The following UNC80 variants were observed in gnomAD, a reference collection of about 807,000 sequenced individuals.
The protein encoded by UNC80 is unc-80 subunit of NALCN channel complex.
Under a neutral mutation model 384.6 loss-of-function variants are expected in UNC80, and 164 were observed. That is an observed-to-expected ratio of 0.43 (90% CI 0.38 to 0.49). The LOEUF (loss-of-function observed/expected upper bound fraction) is 0.49. Ranked by LOEUF, UNC80 falls within the 20% of genes least tolerant of loss-of-function variation. The probability of loss-of-function intolerance (pLI) is 0.00; values close to 1 mark genes in which losing one functional copy is unlikely to be tolerated. For synonymous variants in UNC80, 1,486 were observed against 1,527.8 expected, an observed-to-expected ratio of 0.97 and a Z score of 0.64; for missense variants, 3,330 against 4,143.0, an observed-to-expected ratio of 0.80 and a Z score of 5.39.
chr2:209,808,008 T>G (rs1417513071), intron 7 of UNC80, among the ~76,000 whole-genome samples: 1 of 152,228 alleles, frequency 6.6e-6, no homozygotes, highest in Admixed American at 6.5e-5. Flanking sequence ...TTTGATTACA[T>G]AAGATACGGA....
intron 7 of UNC80, among the ~76,000 whole-genome samples, chr2:209,802,798 A>T (rs1478224823): frequency 6.6e-6 from 1 of 152,212 alleles, no homozygotes; most frequent in Non-Finnish European, 1.5e-5. Flanking sequence ...GTTGGCATGG[A>T]CTGCAGTTGC....
At chr2:209,955,692 AAT>A (rs57804600) in intron 48 of UNC80, among the ~76,000 whole-genome samples, 851 of 51,416 alleles carry the variant, frequency 0.017, 9 homozygotes, top group African/African-American at 0.018. Context: ...CTGTATTTCT[AAT>A]ATATATATAT....
chr2:209,993,945 A>G (rs777510313), intron 63 of UNC80, 120 bp from the exon 64 acceptor site: 3 of 869,254 alleles, frequency 3.5e-6, no homozygotes, highest in Non-Finnish European at 5.1e-6. Flanking sequence ...TTATTAATAA[A>G]CCAGCAATGT....
At position 209,772,052 on chromosome 2, in the gene UNC80, G is replaced by A. The variant is rs1446688802; in HGVS notation, c.-21G>A. 2 of 1,539,576 alleles carry A rather than the reference G, an allele frequency of 1.3e-6. No homozygotes were observed. Among genetic ancestry groups the A allele is most frequent in the Non-Finnish European group, 1.8e-6 (2 of 1,137,738 alleles). On this transcript the variant is annotated 5_prime_UTR_variant, in exon 1 of 65. The change abolishes the stop of an existing upstream ORF in the 5' untranslated region. Coordinates refer to ENST00000673920, the MANE Select transcript of UNC80 (RefSeq NM_001371986.1). ...GGAGACAGAGCTGGGTCCTGCAGTA[G>A]GACTCCCGGGAGCCACCATTATGGT...
intron 58 of UNC80, among the ~76,000 whole-genome samples, 156 bp from the exon 59 acceptor site, chr2:209,978,373 C>T (rs1313446837): frequency 2.0e-5 from 3 of 152,178 alleles, no homozygotes; most frequent in Non-Finnish European, 4.4e-5. Flanking sequence ...AATAAAAAAT[C>T]CCCACTTTCA....
intron 7 of UNC80, chr2:209,795,556 C>T (rs1365762359): frequency 6.6e-6 from 1 of 152,194 alleles, no homozygotes; most frequent in East Asian, 1.9e-4. Flanking sequence ...CCTCCCATCA[C>T]AGGCCCAGAG....
intron 53 of UNC80, chr2:209,970,094 G>A (rs2092839572): frequency 4.9e-6 from 3 of 609,662 alleles, no homozygotes; most frequent in Middle Eastern, 4.2e-4. Flanking sequence ...ACACAGAAGG[G>A]ATTTTGGTGT....
At position 209,939,362 on chromosome 2, in the gene UNC80, G is replaced by A. The variant is rs1041756659; in HGVS notation, c.6466-110G>A. Reference sequence around the variant, plus strand: ...CTCATTTCACTTTTTCCCCTTTTCCGACTTTATCAACCCAGTTTGCCATTA... The same window carrying A: ...CTCATTTCACTTTTTCCCCTTTTCCAACTTTATCAACCCAGTTTGCCATTA... On this transcript the variant is annotated intron_variant, in intron 42 of 64. Transcript: ENST00000673920. 14 of 1,164,902 alleles carry A rather than the reference G, an allele frequency of 1.2e-5. No homozygotes were observed. In the Admixed American group the frequency reaches 3.0e-4, roughly 25 times the overall value. The allele number at this position is 1,164,902 out of a possible 1,614,324, so 72.2% of individuals were successfully genotyped here. A position where few individuals can be genotyped will look rare whatever the true frequency, so the allele number is the denominator to read the frequency against.
chr2:209,900,624 G>A (rs2087292261), intron 28 of UNC80, among the ~76,000 whole-genome samples: 1 of 152,146 alleles, frequency 6.6e-6, no homozygotes, highest in African/African-American at 2.4e-5. Context: ...AGGAAGAGTT[G>A]TGTGTCTCTC....
chr2:209,969,940 G>A lies in UNC80; in HGVS notation c.8130+49G>A, dbSNP rs2092835192. On this transcript the variant is annotated intron_variant, in intron 53 of 64. Coordinates refer to ENST00000673920, the MANE Select transcript of UNC80 (RefSeq NM_001371986.1). ...ATGAAACTTTGCACAATGTAACTCT[G>A]CTATTGACTTCTCTGAATTGAAGAT... The A allele has an allele frequency of 1.9e-6, 3 of 1,541,456 alleles. 1 individual carries two copies. The African/African-American group carries it at 4.1e-5, about 21-fold the overall frequency.
chr2:209,787,805 T>G (rs1395744510), intron 5 of UNC80, among the ~76,000 whole-genome samples: 1 of 152,252 alleles, frequency 6.6e-6, no homozygotes, highest in African/African-American at 2.4e-5. Flanking sequence ...CTTTTCATTG[T>G]TATTTTAGAA....
At chr2:209,931,596 C>G (rs371056119) in intron 38 of UNC80, among the ~76,000 whole-genome samples, 1 of 152,116 alleles carries the variant, frequency 6.6e-6, no homozygotes, top group African/African-American at 2.4e-5. Flanking sequence ...AACCTGATGA[C>G]TACACCTTGA....
At chr2:209,887,784 A>T (rs1018429326) in intron 25 of UNC80, among the ~76,000 whole-genome samples, 1 of 152,244 alleles carries the variant, frequency 6.6e-6, no homozygotes, top group Non-Finnish European at 1.5e-5. Flanking sequence ...AAGGCCAAAG[A>T]TGCAGCCAAA....
chr2:209,957,748 C>T lies in UNC80; in HGVS notation c.7550+12C>T, dbSNP rs543197137. 75 of 1,550,746 alleles carry T rather than the reference C, an allele frequency of 4.8e-5. No homozygotes were observed. In the Middle Eastern group the frequency reaches 1.2e-3, roughly 24 times the overall value. The stretch of plus-strand genomic sequence containing the variant: ...GGGGTGAACACCAGGTAATTCACTG[C>T]GCCTTATTCTTCTATGGTCTCTCAA... On this transcript the variant is annotated intron_variant, in intron 49 of 64. Coordinates refer to ENST00000673920, the MANE Select transcript of UNC80 (RefSeq NM_001371986.1).
intron 7 of UNC80, among the ~76,000 whole-genome samples, chr2:209,808,261 G>T (rs2079035007): frequency 6.6e-6 from 1 of 150,748 alleles, no homozygotes; most frequent in Non-Finnish European, 1.5e-5. Flanking sequence ...ATTCCATATA[G>T]GATTATTAAG....
chr2:209,813,912 C>G, intron 8 of UNC80, 71 bp downstream of exon 8: 1 of 1,506,356 alleles, frequency 6.6e-7, no homozygotes, highest in Non-Finnish European at 8.9e-7. Context: ...TTTCTCTGTG[C>G]ATCCAGCTCT....
chr2:209,940,942 A>AT (rs1217344770), intron 43 of UNC80, among the ~76,000 whole-genome samples: 1 of 152,150 alleles, frequency 6.6e-6, no homozygotes, highest in Non-Finnish European at 1.5e-5. Context: ...GAAATAATTT[A>AT]TTTTTCTCCA....
At chr2:209,881,927 A>AGC (rs1307811781) in intron 25 of UNC80, among the ~76,000 whole-genome samples, 1 of 151,518 alleles carries the variant, frequency 6.6e-6, no homozygotes, top group Non-Finnish European at 1.5e-5. Context: ...TTTCCATTTA[A>AGC]GCAAATTTTA....
At position 209,820,593 on chromosome 2, in the gene UNC80, G is replaced by A; in HGVS notation, c.2245G>A (p.Asp749Asn). The change falls in exon 13 of 65, where the codon GAT (aspartate) becomes AAT (asparagine). Residue 749 changes from aspartate to asparagine, a missense_variant. Asp to Asn is a conservative substitution (Grantham distance 23). This residue lies in a region of UNC80 where 937 missense variants were observed against 1,026.8 expected (regional missense o/e 0.91). Transcript: ENST00000673920. ...DGGGEEGGGGDGGGGGGDGGG... is the reference protein window; with the variant it reads ...DGGGEEGGGGNGGGGGGDGGG... ...TGGAGGAGAAGAAGGAGGAGGTGGA[G>A]ATGGAGGAGGTGGAGGAGGTGATGG... 1.3e-6 allele frequency: 2 copies of A among 1,550,066 alleles called. No homozygotes were observed. The highest frequency in any genetic ancestry group is 1.2e-5 in the South Asian group (1 of 84,000).
Sources: gnomAD v4.1 joint callset for allele counts (sites outside exome capture counted in the v4.1 genomes callset) on GRCh38, gnomAD v4.1.1 for gene constraint, gnomAD v4.1.1 regional missense constraint, MANE v1.5 for transcripts, NCBI Gene and HGNC (gene_info 2026-07-23, HGNC 2026-07-21) for gene names.